The following NFIB variants were observed in gnomAD, a reference collection of about 807,000 sequenced individuals.
The protein encoded by NFIB is nuclear factor I B.
Under a neutral mutation model 61.5 loss-of-function variants are expected in NFIB, and 11 were observed. The observed-to-expected ratio is 0.18, with a 90% CI of 0.11 to 0.30. NFIB has a LOEUF of 0.30. NFIB is among the 10% of genes least tolerant of loss of function. The pLI, the probability that NFIB is intolerant of heterozygous loss-of-function variation, is 1.00. For synonymous variants in NFIB, 260 were observed against 216.5 expected (o/e 1.20, Z -1.76); for missense variants, 471 against 608.9 (o/e 0.77, Z 2.38).
chr9:14,326,931 T>G (rs1564010631), intron 1 of NFIB, among the ~76,000 whole-genome samples: 2 of 152,192 alleles, frequency 1.3e-5, no homozygotes, highest in Non-Finnish European at 1.5e-5. Context: ...CACACTTTTG[T>G]GCAACTTTAG....
chr9:14,447,200 C>T, the NFIB span, among the ~76,000 whole-genome samples: 1 of 152,110 alleles, frequency 6.6e-6, no homozygotes, highest in Non-Finnish European at 1.5e-5. Flanking sequence ...TAATATTACA[C>T]ATAATTTTTT....
intron 8 of NFIB, among the ~76,000 whole-genome samples, chr9:14,117,840 G>C (rs371057209): frequency 2.6e-5 from 4 of 151,986 alleles, no homozygotes; most frequent in African/African-American, 9.7e-5. Context: ...ACTATAATTG[G>C]TGCAGCAGTA....
chr9:14,100,141 T>C (rs2035520628), intron 10 of NFIB, among the ~76,000 whole-genome samples: 1 of 152,160 alleles, frequency 6.6e-6, no homozygotes, highest in Non-Finnish European at 1.5e-5. Flanking sequence ...ATTAAGACCA[T>C]TCTACATGCC....
At chr9:14,420,635 G>A in the NFIB span, among the ~76,000 whole-genome samples, 2 of 152,010 alleles carry the variant, frequency 1.3e-5, no homozygotes, top group Non-Finnish European at 2.9e-5. Flanking sequence ...TACCACTGAT[G>A]CTGTCAACCT....
chr9:14,176,571 A>G (rs1173150332), intron 3 of NFIB, among the ~76,000 whole-genome samples: 1 of 152,206 alleles, frequency 6.6e-6, no homozygotes, highest in African/African-American at 2.4e-5. Context: ...TTACTTAAAT[A>G]TTTTATAAAA....
At chr9:14,118,714 C>T (rs113522155) in intron 8 of NFIB, among the ~76,000 whole-genome samples, 2 of 150,952 alleles carry the variant, frequency 1.3e-5, no homozygotes, top group African/African-American at 4.9e-5. Flanking sequence ...ACTTTATACA[C>T]GGTTCCTATT....
chr9:14,473,236 G>T, the NFIB span, among the ~76,000 whole-genome samples: 1 of 152,206 alleles, frequency 6.6e-6, no homozygotes. Context: ...TAATCCCATT[G>T]TATAGTAAAT....
chr9:14,259,046 G>GT (rs753636448), intron 2 of NFIB, among the ~76,000 whole-genome samples: 1 of 152,118 alleles, frequency 6.6e-6, no homozygotes, highest in Non-Finnish European at 1.5e-5. Context: ...CAAATTTGTG[G>GT]TTTTGCCTTA....
chr9:14,227,618 A>T (rs1376370656), intron 2 of NFIB, among the ~76,000 whole-genome samples: 1 of 152,176 alleles, frequency 6.6e-6, no homozygotes, highest in Non-Finnish European at 1.5e-5. Flanking sequence ...TTTAAAAAAA[A>T]TTTATTTTCT....
chr9:14,281,822 C>G (rs1010012990), intron 2 of NFIB, among the ~76,000 whole-genome samples: 1 of 151,914 alleles, frequency 6.6e-6, no homozygotes, highest in African/African-American at 2.4e-5. Context: ...TTCACATGCA[C>G]ACACACACAC....
chr9:14,440,667 C>G, the NFIB span, among the ~76,000 whole-genome samples: 1 of 152,142 alleles, frequency 6.6e-6, no homozygotes, highest in East Asian at 1.9e-4. Flanking sequence ...TATTTGCATC[C>G]CCTGATAACA....
intron 1 of NFIB, among the ~76,000 whole-genome samples, chr9:14,334,816 G>GTTTA (rs1245799274): frequency 6.6e-6 from 1 of 152,124 alleles, no homozygotes; most frequent in Non-Finnish European, 1.5e-5. Flanking sequence ...CTCTAAAAAT[G>GTTTA]TTTATATGCC....
intron 1 of NFIB, among the ~76,000 whole-genome samples, chr9:14,372,302 C>T (rs1463929618): frequency 6.6e-6 from 1 of 152,152 alleles, no homozygotes; most frequent in Non-Finnish European, 1.5e-5. Flanking sequence ...AAACTCTCTT[C>T]CAGCTTAAGC....
intron 2 of NFIB, among the ~76,000 whole-genome samples, chr9:14,180,459 G>A (rs533993164): frequency 1.3e-5 from 2 of 152,202 alleles, no homozygotes; most frequent in Non-Finnish European, 2.9e-5. Flanking sequence ...AGGAGGAAGA[G>A]ATCAATGTCG....
At chr9:14,097,184 A>C (rs1401326902) in intron 10 of NFIB, among the ~76,000 whole-genome samples, 1 of 152,228 alleles carries the variant, frequency 6.6e-6, no homozygotes, top group African/African-American at 2.4e-5. Flanking sequence ...TTCATATACA[A>C]AGACAAAAGT....
intron 2 of NFIB, among the ~76,000 whole-genome samples, chr9:14,272,372 G>A (rs1461501681): frequency 6.6e-6 from 1 of 152,026 alleles, no homozygotes; most frequent in Non-Finnish European, 1.5e-5. Flanking sequence ...ATAGAGCCAT[G>A]ACATTTTTCC....
rs971943367 is a variant in NFIB, at chr9:14,081,993, A to G, written c.*6316T>C. 9.5e-6 allele frequency: 2 copies of G among 209,606 alleles called. No homozygotes were observed. The highest frequency in any genetic ancestry group is 1.9e-5 in the Non-Finnish European group (2 of 102,792). The allele number at this position is 209,606 out of a possible 1,614,324, so 13.0% of individuals were successfully genotyped here. On this transcript the variant is annotated 3_prime_UTR_variant, in exon 11 of 11. Transcript: ENST00000380953. ...TCACATTAAGTCAAGCTTGATTTAC[A>G]CCAGTTTAAAACTTGTGGCAATTGA...
chr9:14,431,195 A>G, the NFIB span, among the ~76,000 whole-genome samples: 1 of 152,208 alleles, frequency 6.6e-6, no homozygotes, highest in Non-Finnish European at 1.5e-5. Context: ...ACCCAATGTC[A>G]GCAAACTCTT....
At chr9:14,294,376 T>G (rs1432019448) in intron 2 of NFIB, among the ~76,000 whole-genome samples, 1 of 152,218 alleles carries the variant, frequency 6.6e-6, no homozygotes, top group Non-Finnish European at 1.5e-5. Context: ...ATGTATACGC[T>G]CCCACTTTAA....
Sources: gnomAD v4.1 joint callset for allele counts (sites outside exome capture counted in the v4.1 genomes callset) on GRCh38, gnomAD v4.1.1 for gene constraint, MANE v1.5 for transcripts, NCBI Gene and HGNC (gene_info 2026-07-23, HGNC 2026-07-21) for gene names.